Variants in DPP6 observed in about 807,000 individuals in gnomAD.
The protein encoded by DPP6 is A-type potassium channel modulatory protein DPP6.
DPP6 carries 69 observed loss-of-function variants against 122.6 expected under a neutral mutation model. The observed-to-expected ratio is 0.56, with a 90% CI of 0.46 to 0.69. DPP6 has a LOEUF of 0.69. DPP6 is among the 30% of genes least tolerant of loss of function. The probability of loss-of-function intolerance (pLI) is 0.00; values close to 1 mark genes in which losing one functional copy is unlikely to be tolerated. For missense variants in DPP6, 928 were observed against 1,116.9 expected (o/e 0.83, Z 2.41); for synonymous variants, 418 against 433.1 (o/e 0.97, Z 0.43).
chr7:154,063,052 C>T lies in DPP6; in HGVS notation c.243+9989C>T, dbSNP rs1209957794. ...CCATCACAGGAGGGGGAGGCACCCC[C>T]CACGAGAGTGGGGACTGAGAGCTAT... On this transcript the variant is annotated intron_variant, in intron 1 of 25. Coordinates refer to ENST00000377770, the MANE Select transcript of DPP6 (RefSeq NM_130797.4). Among the ~76,000 whole-genome samples the T allele has an allele frequency of 1.5e-5, 2 of 134,756 alleles. 1 individual carries two copies. Among genetic ancestry groups the T allele is most frequent in the Non-Finnish European group, 3.3e-5 (2 of 61,070 alleles). The allele number at this position is 134,756 out of a possible 152,430, so 88.4% of individuals were successfully genotyped here.
the DPP6 span, among the ~76,000 whole-genome samples, chr7:153,875,097 A>G: frequency 8.5e-5 from 13 of 152,228 alleles, no homozygotes; most frequent in Non-Finnish European, 4.4e-5. Context: ...ACTGAAGACA[A>G]GAGGAAGTCT....
At chr7:154,504,431 C>A (rs923717558) in intron 3 of DPP6, among the ~76,000 whole-genome samples, 6 of 152,092 alleles carry the variant, frequency 3.9e-5, no homozygotes, top group Non-Finnish European at 7.4e-5. Flanking sequence ...ATAACATTAG[C>A]GATGTGACGT....
chr7:154,620,848 G>A (rs1312351948), intron 5 of DPP6, among the ~76,000 whole-genome samples: 1 of 152,090 alleles, frequency 6.6e-6, no homozygotes, highest in East Asian at 1.9e-4. Context: ...CATCCACAGC[G>A]GCAGACAACT....
chr7:154,374,328 C>T (rs1250119117), intron 1 of DPP6, among the ~76,000 whole-genome samples: 1 of 152,194 alleles, frequency 6.6e-6, no homozygotes, highest in African/African-American at 2.4e-5. Flanking sequence ...GGGGAGAGGT[C>T]AGCTTCCTAA....
chr7:154,353,705 C>T (rs1310047099), intron 1 of DPP6, among the ~76,000 whole-genome samples: 5 of 152,142 alleles, frequency 3.3e-5, no homozygotes, highest in African/African-American at 1.2e-4. Context: ...CAAAAGACCT[C>T]CTGCACATGG....
intron 5 of DPP6, among the ~76,000 whole-genome samples, chr7:154,584,125 G>A (rs1832272635): frequency 6.6e-6 from 1 of 152,170 alleles, no homozygotes. Context: ...ATCTGTGCTG[G>A]CCACGCTGCC....
intron 1 of DPP6, among the ~76,000 whole-genome samples, chr7:153,891,432 G>A (rs1486446548): frequency 6.6e-6 from 1 of 151,794 alleles, no homozygotes; most frequent in Admixed American, 6.6e-5. Flanking sequence ...AATATACTAA[G>A]AGATAAATAT....
chr7:154,478,355 G>C (rs1174893303), intron 3 of DPP6, among the ~76,000 whole-genome samples: 1 of 152,076 alleles, frequency 6.6e-6, no homozygotes, highest in African/African-American at 2.4e-5. Context: ...TCATGGAACT[G>C]TTTCTTAGTG....
intron 1 of DPP6, among the ~76,000 whole-genome samples, chr7:154,176,829 AT>A (rs967942812): frequency 4.7e-5 from 7 of 150,474 alleles, no homozygotes; most frequent in Admixed American, 1.3e-4. Context: ...AGTGGAAATC[AT>A]TTTTTTTTCT....
At chr7:154,232,782 T>A (rs1800991977) in intron 1 of DPP6, among the ~76,000 whole-genome samples, 1 of 152,184 alleles carries the variant, frequency 6.6e-6, no homozygotes, top group African/African-American at 2.4e-5. Flanking sequence ...TGTGTTTGTA[T>A]CTTGATGCTG....
At chr7:154,612,480 C>T (rs6597441) in intron 5 of DPP6, among the ~76,000 whole-genome samples, 10,697 of 131,886 alleles carry the variant, frequency 0.081, 379 homozygotes, top group South Asian at 0.094. Context: ...GTTCATGTAT[C>T]CATAGCGGGT....
chr7:154,704,314 T>C (rs1452763526), intron 7 of DPP6, among the ~76,000 whole-genome samples: 1 of 152,212 alleles, frequency 6.6e-6, no homozygotes, highest in East Asian at 1.9e-4. Flanking sequence ...AGAAAGTGTT[T>C]CTTGAGATGA....
chr7:153,891,330 T>G (rs1563210929), intron 1 of DPP6, among the ~76,000 whole-genome samples: 1 of 151,548 alleles, frequency 6.6e-6, no homozygotes, highest in Admixed American at 6.6e-5. Flanking sequence ...CCCCTAGAAC[T>G]TCTATTTTAA....
intron 1 of DPP6, among the ~76,000 whole-genome samples, chr7:154,319,047 CAGG>C (rs914626470): frequency 2.6e-5 from 4 of 152,192 alleles, no homozygotes; most frequent in Non-Finnish European, 5.9e-5. Context: ...GGGCCAGCAG[CAGG>C]AGGTGTCTGC....
At chr7:154,802,316 G>A (rs954525669) in intron 13 of DPP6, among the ~76,000 whole-genome samples, 6 of 151,932 alleles carry the variant, frequency 3.9e-5, no homozygotes, top group Non-Finnish European at 7.4e-5. Context: ...AAGAACATCC[G>A]CACTAAGAGC....
At position 154,566,884 on chromosome 7, in the gene DPP6, G is replaced by C. The variant is rs781099619; in HGVS notation, c.595G>C (p.Glu199Gln). 1 of 1,608,270 alleles carries C rather than the reference G, an allele frequency of 6.2e-7. No individual in the cohort carries two copies. Among genetic ancestry groups the C allele is most frequent in the Non-Finnish European group, 8.5e-7 (1 of 1,176,154 alleles). The change falls in exon 5 of 26, where the codon GAG becomes CAG. Residue 199 changes from glutamate to glutamine, a missense_variant. Physicochemically the swap from Glu to Gln is conservative, Grantham distance 29. Transcript: ENST00000377770. ...CAGATATGAAATATCTCCAGATAGA[G>C]AGTATGCACTTTTTTCATACAATGT... ...AIRYEISPDR[E>Q]YALFSYNVEP... is the part of the protein sequence containing the mutation.
chr7:154,070,651 C>T lies in DPP6; in HGVS notation c.243+17588C>T, dbSNP rs184556035. 3.6e-3 allele frequency among the ~76,000 whole-genome samples: 554 copies of T among 152,164 alleles called. 5 individuals are homozygous for T. The highest frequency in any genetic ancestry group is 0.013 in the African/African-American group (531 of 41,510). On this transcript the variant is annotated intron_variant, in intron 1 of 25. Transcript: ENST00000377770. The stretch of plus-strand genomic sequence containing the variant: ...TTAAGGAAAATAGCTAAGTCAGTTT[C>T]CTTCATTAAAATCCACTGTAAACAA...
intron 6 of DPP6, among the ~76,000 whole-genome samples, chr7:154,638,751 T>G (rs547192566): frequency 6.6e-5 from 10 of 152,318 alleles, no homozygotes; most frequent in African/African-American, 2.4e-4. Context: ...GTTGCAGAAC[T>G]AGGAAAGTCT....
intron 1 of DPP6, among the ~76,000 whole-genome samples, chr7:154,297,442 C>T (rs62475061): frequency 0.25 from 38,399 of 152,126 alleles, 4,856 homozygotes; most frequent in South Asian, 0.29. Flanking sequence ...TGCTCATGCA[C>T]TTGCTACACC....
Sources: allele counts gnomAD v4.1 joint callset (sites outside exome capture counted in the v4.1 genomes callset), GRCh38; gene constraint gnomAD v4.1.1; transcripts MANE v1.5; gene names NCBI Gene and HGNC (gene_info 2026-07-23, HGNC 2026-07-21).